Variants in THRB observed in about 807,000 individuals in gnomAD.
THRB encodes thyroid hormone receptor beta.
In THRB, 12 loss-of-function variants were observed where a neutral mutation model predicts 47.8. That is an observed-to-expected ratio of 0.25 (90% CI 0.16 to 0.41). The LOEUF (loss-of-function observed/expected upper bound fraction) is 0.41, where lower values mean the gene tolerates loss of function less well. THRB is among the 10% of genes least tolerant of loss of function. The pLI is 1.00. For synonymous variants in THRB, 218 were observed against 212.2 expected (o/e 1.03, Z -0.24); for missense variants, 348 against 589.2 (o/e 0.59, Z 4.24).
At chr3:24,331,790 C>A (rs1217706343) in intron 2 of THRB, among the ~76,000 whole-genome samples, 1 of 152,084 alleles carries the variant, frequency 6.6e-6, no homozygotes, top group African/African-American at 2.4e-5. Context: ...TGATCACATG[C>A]ATCTATTTTC....
intron 8 of THRB, among the ~76,000 whole-genome samples, chr3:24,135,204 G>A (rs896563103): frequency 1.3e-5 from 2 of 152,238 alleles, no homozygotes; most frequent in African/African-American, 2.4e-5. Flanking sequence ...TCCTGTTACT[G>A]CTCACATCAC....
intron 3 of THRB, among the ~76,000 whole-genome samples, chr3:24,271,802 AATTT>A (rs1472305695): frequency 5.3e-5 from 8 of 152,126 alleles, no homozygotes; most frequent in African/African-American, 1.9e-4. Flanking sequence ...TTTAATAATT[AATTT>A]AATAGTCAGA....
At chr3:24,395,847 AAGTT>A (rs1230101812) in intron 1 of THRB, among the ~76,000 whole-genome samples, 2 of 152,146 alleles carry the variant, frequency 1.3e-5, no homozygotes, top group African/African-American at 4.8e-5. Flanking sequence ...AATAGCCAAA[AAGTT>A]AGAGCAACTC....
At chr3:24,468,551 T>G (rs1454174673) in intron 1 of THRB, among the ~76,000 whole-genome samples, 4 of 152,328 alleles carry the variant, frequency 2.6e-5, no homozygotes, top group East Asian at 3.9e-4. Context: ...CTGGCCTAAT[T>G]TCTACATTGC....
chr3:24,277,499 A>G (rs1215468883), intron 3 of THRB, among the ~76,000 whole-genome samples: 1 of 152,190 alleles, frequency 6.6e-6, no homozygotes, highest in Non-Finnish European at 1.5e-5. Context: ...AAGAATTTGC[A>G]TCTCTAACAA....
In THRB at chr3:24,143,595, G is replaced by A; in HGVS notation, c.644C>T (p.Thr215Ile). 6.2e-7 allele frequency: 1 copy of A among 1,614,212 alleles called. No homozygotes were observed. The highest frequency in any genetic ancestry group is 8.5e-7 in the Non-Finnish European group (1 of 1,180,022). The change falls in exon 8 of 11, where the codon ACA (threonine) becomes ATA (isoleucine). Residue 215 changes from threonine to isoleucine, a missense_variant. Physicochemically the swap from Thr to Ile is moderately conservative, Grantham distance 89. Transcript: ENST00000646209. Reference sequence around the variant, plus strand: ...TTTGATGAGCTCCCATTCCTCGTCTGTGGGCTCTGGCTTGTGCCCGATGGA... The same window carrying A: ...TTTGATGAGCTCCCATTCCTCGTCTATGGGCTCTGGCTTGTGCCCGATGGA... ...QKSIGHKPEP[T>I]DEEWELIKTV...
intron 1 of THRB, among the ~76,000 whole-genome samples, chr3:24,361,017 T>TCCAGCTG (rs1343393749): frequency 5.3e-5 from 8 of 152,154 alleles, no homozygotes; most frequent in African/African-American, 1.9e-4. Context: ...TGATGGTTGC[T>TCCAGCTG]ATGGAGAAAT....
At chr3:24,336,588 G>A (rs887437037) in intron 2 of THRB, among the ~76,000 whole-genome samples, 1 of 152,182 alleles carries the variant, frequency 6.6e-6, no homozygotes, top group Non-Finnish European at 1.5e-5. Flanking sequence ...GATCTGAATG[G>A]TTGCTTGATA....
At chr3:24,235,759 C>T (rs2048795378) in intron 3 of THRB, among the ~76,000 whole-genome samples, 1 of 152,264 alleles carries the variant, frequency 6.6e-6, no homozygotes, top group South Asian at 2.1e-4. Context: ...TCCATCTTCT[C>T]ACCTAGCATT....
intron 2 of THRB, among the ~76,000 whole-genome samples, chr3:24,316,332 T>C (rs907628031): frequency 6.6e-6 from 1 of 152,194 alleles, no homozygotes; most frequent in Non-Finnish European, 1.5e-5. Context: ...ATTTTTTAAA[T>C]ATACTGGTAT....
At chr3:24,205,422 A>G (rs2045209406) in intron 4 of THRB, among the ~76,000 whole-genome samples, 1 of 152,226 alleles carries the variant, frequency 6.6e-6, no homozygotes, top group Admixed American at 6.5e-5. Flanking sequence ...TGAAGGAGAA[A>G]TAAAATCCTT....
intron 1 of THRB, among the ~76,000 whole-genome samples, chr3:24,461,715 C>T (rs73825651): frequency 0.032 from 4,824 of 152,066 alleles, 273 homozygotes; most frequent in African/African-American, 0.11. Flanking sequence ...CTAAGAATTT[C>T]CTAAATTATA....
chr3:24,253,825 T>C (rs1166878974), intron 3 of THRB, among the ~76,000 whole-genome samples: 1 of 152,078 alleles, frequency 6.6e-6, no homozygotes, highest in Non-Finnish European at 1.5e-5. Context: ...AGAAATGAGA[T>C]TGGGTTTGAA....
chr3:24,347,522 A>C (rs537351802), intron 1 of THRB, among the ~76,000 whole-genome samples: 1 of 151,666 alleles, frequency 6.6e-6, no homozygotes, highest in Non-Finnish European at 1.5e-5. Flanking sequence ...TATTAAGATA[A>C]AAGAAGAGAA....
chr3:24,340,189 T>C (rs2062535082), intron 1 of THRB, among the ~76,000 whole-genome samples: 1 of 152,242 alleles, frequency 6.6e-6, no homozygotes, highest in Non-Finnish European at 1.5e-5. Context: ...ACAGTAACTT[T>C]GTATGAATGA....
chr3:24,264,136 G>A (rs1387362367), intron 3 of THRB, among the ~76,000 whole-genome samples: 1 of 152,034 alleles, frequency 6.6e-6, no homozygotes, highest in Non-Finnish European at 1.5e-5. Context: ...TTGCATCTCT[G>A]GCTGTTTTTC....
At chr3:24,346,584 G>A (rs1032584174) in intron 1 of THRB, among the ~76,000 whole-genome samples, 1 of 151,652 alleles carries the variant, frequency 6.6e-6, no homozygotes, top group African/African-American at 2.4e-5. Context: ...TTGATATTAG[G>A]ACACACAATT....
intron 5 of THRB, chr3:24,165,190 C>T (rs1376664136): frequency 1.3e-6 from 1 of 764,934 alleles, no homozygotes; most frequent in Non-Finnish European, 2.4e-6. Flanking sequence ...GATTCACTGC[C>T]CAGGCCTGTT....
intron 1 of THRB, among the ~76,000 whole-genome samples, chr3:24,415,174 G>T (rs929395148): frequency 1.3e-5 from 2 of 151,824 alleles, no homozygotes; most frequent in Admixed American, 1.3e-4. Flanking sequence ...GTCCCTTCCA[G>T]TAATGCAACT....
Sources: allele counts gnomAD v4.1 joint callset (sites outside exome capture counted in the v4.1 genomes callset), GRCh38; gene constraint gnomAD v4.1.1; transcripts MANE v1.5; gene names NCBI Gene and HGNC (gene_info 2026-07-23, HGNC 2026-07-21).